Variants in CALM2 observed in about 807,000 individuals in gnomAD.
CALM2 encodes the protein calmodulin 2.
A neutral mutation model predicts 19.8 loss-of-function variants in CALM2; 2 were observed. That is an observed-to-expected ratio of 0.10 (90% CI 0.04 to 0.32). The LOEUF is 0.32. CALM2 is among the 10% of genes least tolerant of loss of function. The pLI is 1.00. For missense variants in CALM2, 38 were observed against 178.7 expected (o/e 0.21, Z 4.49); for synonymous variants, 51 against 52.1 (o/e 0.98, Z 0.09).
chr2:47,170,783 G>C lies in CALM2; in HGVS notation c.4-19C>G. The C allele has an allele frequency of 1.9e-6, 3 of 1,610,634 alleles. No homozygotes were observed. The highest frequency in any genetic ancestry group is 2.5e-6 in the Non-Finnish European group (3 of 1,176,820). The stretch of plus-strand genomic sequence containing the variant: ...GGTCAGCCTACAAAGAGATCAAAGA[G>C]GAAGGTTAGTGACTTGAGAGTATGT... On this transcript the variant is annotated intron_variant, in intron 1 of 5. Coordinates refer to ENST00000272298, the MANE Select transcript of CALM2 (RefSeq NM_001743.6).
intron 4 of CALM2, 117 bp downstream of exon 4, chr2:47,162,169 A>C (rs1435954903): frequency 8.9e-6 from 4 of 450,840 alleles, no homozygotes; most frequent in Non-Finnish European, 7.3e-6. Context: ...TTGGTAAATC[A>C]TCAAAAAAAA....
chr2:47,164,682 T>A (rs940179970), intron 2 of CALM2, among the ~76,000 whole-genome samples: 10 of 152,124 alleles, frequency 6.6e-5, no homozygotes, highest in African/African-American at 2.4e-4. Flanking sequence ...AAAGCTAGTA[T>A]TTTCCAAGTA....
intron 1 of CALM2, chr2:47,172,421 G>C (rs1012858307): frequency 6.8e-6 from 5 of 732,792 alleles, no homozygotes; most frequent in Middle Eastern, 5.6e-4. Flanking sequence ...TACCTTGCAG[G>C]GTTGTTGTGC....
upstream of CALM2, chr2:47,176,582 A>G (rs1241623111): frequency 1.3e-5 from 20 of 1,546,540 alleles, no homozygotes; most frequent in Non-Finnish European, 1.7e-5. Flanking sequence ...GCATCCAGAT[A>G]ACGGAACATC....
At chr2:47,162,803 G>GT (rs1197652768) in intron 2 of CALM2, 141 bp from the exon 3 acceptor site, 4 of 632,930 alleles carry the variant, frequency 6.3e-6, no homozygotes, top group Non-Finnish European at 7.8e-6. Context: ...TGGCCAAACT[G>GT]TAAGACCCCA....
intron 1 of CALM2, among the ~76,000 whole-genome samples, chr2:47,175,274 AAGC>A (rs754702365): frequency 6.4e-4 from 98 of 152,288 alleles, no homozygotes; most frequent in Non-Finnish European, 7.9e-4. Flanking sequence ...GTCGTTTTCA[AAGC>A]AGCAGAAGGG....
upstream of CALM2, chr2:47,176,809 CG>C (rs1331788488): frequency 6.1e-6 from 6 of 985,318 alleles, no homozygotes; most frequent in Non-Finnish European, 7.2e-6. Context: ...ATGCGTCCCC[CG>C]TTGGTCGTTG....
chr2:47,167,817 T>TTTTTTTTTTTTTTTTTTTTTTTTTTTTG lies in CALM2; in HGVS notation c.34+2916_34+2917insCAAAAAAAAAAAAAAAAAAAAAAAAAAA, dbSNP rs70940664. On this transcript the variant is annotated intron_variant, in intron 2 of 5. Coordinates refer to ENST00000272298, the MANE Select transcript of CALM2 (RefSeq NM_001743.6). The stretch of plus-strand genomic sequence containing the variant: ...AAAAAAAATTTTTTTTTCTTTTCTT[T>TTTTTTTTTTTTTTTTTTTTTTTTTTTTG]GAGACAGGGTCTTGCTGTGTTGCCC... 6.0e-4 allele frequency: 86 copies of TTTTTTTTTTTTTTTTTTTTTTTTTTTTG among 143,054 alleles called. 4 individuals are homozygous for TTTTTTTTTTTTTTTTTTTTTTTTTTTTG. The highest frequency in any genetic ancestry group is 6.9e-3 in the Middle Eastern group (2 of 288). The allele number at this position is 143,054 out of a possible 1,614,324, so 8.9% of individuals were successfully genotyped here.
chr2:47,162,685 T>C (rs535266555), intron 2 of CALM2, 23 bp from the exon 3 acceptor site: 4 of 1,556,568 alleles, frequency 2.6e-6, no homozygotes, highest in Middle Eastern at 1.7e-4. Flanking sequence ...AAGACCACAA[T>C]CCAAATACAC....
chr2:47,168,162 C>T (rs914439899), intron 2 of CALM2, among the ~76,000 whole-genome samples: 1 of 151,998 alleles, frequency 6.6e-6, no homozygotes, highest in African/African-American at 2.4e-5. Flanking sequence ...CAAAAAGGTC[C>T]CTGACCGCAC....
intron 1 of CALM2, chr2:47,172,740 G>C (rs1666713304): frequency 4.6e-6 from 1 of 215,810 alleles, no homozygotes; most frequent in Admixed American, 5.9e-5. Context: ...ACTGCAGCCT[G>C]TGTGAAAGTT....
chr2:47,175,770 A>G (rs1369844807), intron 1 of CALM2, among the ~76,000 whole-genome samples: 10 of 149,842 alleles, frequency 6.7e-5, no homozygotes, highest in Admixed American at 6.6e-4. Flanking sequence ...CTGGAGCTCG[A>G]GCGGGGCCGA....
intron 4 of CALM2, 85 bp downstream of exon 4, chr2:47,162,201 C>CAAAAAA (rs1553431766): frequency 2.3e-5 from 3 of 133,034 alleles, no homozygotes; most frequent in South Asian, 2.2e-4. Flanking sequence ...AAAAAAAAAA[C>CAAAAAA]AACCAAAAAA....
upstream of CALM2, chr2:47,176,885 GA>G (rs1558704090): frequency 7.1e-6 from 7 of 985,262 alleles, no homozygotes; most frequent in Non-Finnish European, 4.8e-6. Flanking sequence ...CCGCCGCCGG[GA>G]CGCGGTGCGG....
chr2:47,173,765 G>C (rs1459028040), intron 1 of CALM2: 2 of 152,110 alleles, frequency 1.3e-5, no homozygotes, highest in Non-Finnish European at 2.9e-5. Flanking sequence ...GATACAACAA[G>C]GATTCCTATA....
At chr2:47,162,184 A>AAAAAAAAAAAAAAAAAAAAAC (rs1687179030) in intron 4 of CALM2, 102 bp downstream of exon 4, 1 of 431,020 alleles carries the variant, frequency 2.3e-6, no homozygotes, top group African/African-American at 2.2e-5. Context: ...AAAAAAAAAA[A>AAAAAAAAAAAAAAAAAAAAAC]AAAAAAAAAA....
In CALM2 at chr2:47,162,401, G is replaced by A. The variant is rs778197988; in HGVS notation, c.179-9C>T. ...GTCAATTGTGCCATTACCTGAAATG[G>A]TTTAGTGGAAACATCAAAGCTTTAG... On this transcript the variant is annotated splice_polypyrimidine_tract_variant and intron_variant, in intron 3 of 5. Transcript: ENST00000272298. 1 of 1,607,818 alleles carries A rather than the reference G, an allele frequency of 6.2e-7. No individual in the cohort carries two copies. The highest frequency in any genetic ancestry group is 2.2e-5 in the East Asian group (1 of 44,824).
intron 1 of CALM2, chr2:47,171,381 T>C (rs1368190659): frequency 6.6e-6 from 1 of 152,590 alleles, no homozygotes; most frequent in Non-Finnish European, 1.5e-5. Context: ...CAGAAAATAT[T>C]TTCTGCCATT....
chr2:47,162,870 G>C, intron 2 of CALM2: 1 of 474,200 alleles, frequency 2.1e-6, no homozygotes, highest in South Asian at 3.8e-5. Context: ...GGTAGCAATT[G>C]AAATGTGACT....
Sources: gnomAD v4.1 joint callset for allele counts (sites outside exome capture counted in the v4.1 genomes callset) on GRCh38, gnomAD v4.1.1 for gene constraint, MANE v1.5 for transcripts, NCBI Gene and HGNC (gene_info 2026-07-23, HGNC 2026-07-21) for gene names.